Variants in USP54 observed in about 807,000 individuals in gnomAD.
The protein encoded by USP54 is ubiquitin carboxyl-terminal hydrolase 54.
A neutral mutation model predicts 170.5 loss-of-function variants in USP54; 87 were observed. That is an observed-to-expected ratio of 0.51 (90% CI 0.43 to 0.61). The LOEUF is 0.61. Ranked by LOEUF, USP54 falls within the 20% of genes least tolerant of loss-of-function variation. The pLI is 0.00. For synonymous variants in USP54, 655 were observed against 742.8 expected (o/e 0.88, Z 1.92); for missense variants, 1,786 against 2,047.8 (o/e 0.87, Z 2.47).
In USP54 at chr10:73,607,843, A is replaced by G. The variant is rs538718539; in HGVS notation, c.-18+17724T>C. Among the ~76,000 whole-genome samples, 296 of 152,044 alleles carry G rather than the reference A, an allele frequency of 1.9e-3. 2 individuals carry two copies. The highest frequency in any genetic ancestry group is 6.9e-3 in the African/African-American group (287 of 41,494). On this transcript the variant is annotated intron_variant, in intron 1 of 22. Coordinates refer to the USP54 transcript ENST00000339859. ...AAGACTCCGTCTCAAAAAAAAAAAA[A>G]AAAAGAAAACTAAGAAGTAATCCTT...
chr10:73,513,973 G>T (rs970829020), intron 20 of USP54, among the ~76,000 whole-genome samples: 1 of 152,050 alleles, frequency 6.6e-6, no homozygotes, highest in Admixed American at 6.6e-5. Flanking sequence ...CCGCCACCAT[G>T]CCCAGCTAAT....
At chr10:73,569,643 C>T (rs1182949817) in intron 4 of USP54, among the ~76,000 whole-genome samples, 3 of 151,116 alleles carry the variant, frequency 2.0e-5, no homozygotes, top group Non-Finnish European at 4.4e-5. Context: ...ATCCCAGCTA[C>T]TCGGGAGGTT....
In USP54 at chr10:73,517,569, A is replaced by C; in HGVS notation, c.2857T>G (p.Leu953Val). Residue 953 changes from leucine (L) to valine (V), a missense_variant, in exon 20 of 24, where the codon TTG (leucine) becomes GTG (valine). By Grantham distance (32) the Leu-to-Val change is conservative. Coordinates refer to ENST00000687698, the MANE Select transcript of USP54 (RefSeq NM_001391956.1). ...ACTTCAACCGAAGTCAGAAGCTTCA[A>C]GGCAGATCTACTGGGGGAGCTGTGC... ...PQHSSPSRSA[L>V]KLLTSVEVDN... is the part of the protein sequence containing the mutation. 6.2e-7 allele frequency: 1 copy of C among 1,614,232 alleles called. No homozygotes were observed. Among genetic ancestry groups the C allele is most frequent in the Non-Finnish European group, 8.5e-7 (1 of 1,180,042 alleles).
intron 12 of USP54, 132 bp downstream of exon 12, chr10:73,534,468 G>A (rs1206501983): frequency 3.8e-5 from 38 of 1,010,488 alleles, no homozygotes; most frequent in Admixed American, 8.0e-5. Flanking sequence ...CACCTTGGCC[G>A]CCCGCCTCGG....
intron 4 of USP54, among the ~76,000 whole-genome samples, chr10:73,566,078 A>C (rs554489105): frequency 6.6e-6 from 1 of 152,092 alleles, no homozygotes; most frequent in South Asian, 2.1e-4. Flanking sequence ...TAAAAATACA[A>C]AATTAGCCGG....
In USP54 at chr10:73,539,596, GA is replaced by G; in HGVS notation, c.826-4del. ...TCATCCGTCACTCTGAAAAACAGCT[GA>G]GGGGAAAGAAGAGAAAAGAAAGCAC... On this transcript the variant is annotated splice_region_variant and splice_polypyrimidine_tract_variant and intron_variant, in intron 9 of 23. Coordinates refer to ENST00000687698, the MANE Select transcript of USP54 (RefSeq NM_001391956.1). The G allele has an allele frequency of 6.3e-7, 1 of 1,586,054 alleles. No individual in the cohort carries two copies. Among genetic ancestry groups the G allele is most frequent in the South Asian group, 1.2e-5 (1 of 86,484 alleles).
intron 7 of USP54, among the ~76,000 whole-genome samples, chr10:73,542,104 G>A (rs138859217): frequency 1.3e-5 from 2 of 152,174 alleles, no homozygotes; most frequent in African/African-American, 4.8e-5. Context: ...ATTGTTGTTG[G>A]TGGTGGTTTT....
rs541362672 is a variant in USP54, at chr10:73,536,328, A to G, written c.1085T>C (p.Leu362Pro). The change falls in exon 11 of 24, where the codon CTG (leucine) becomes CCG (proline). Residue 362 changes from leucine to proline, a missense_variant. Leu to Pro is a moderately conservative substitution (Grantham distance 98, BLOSUM62 -3). Around this residue, in one of 3 missense-constraint regions of USP54, gnomAD observed 361 missense variants for 455.0 expected, o/e 0.79. Transcript: ENST00000687698. Reference protein sequence around the residue: ...PQGTPVSTQDLPPQAEFQSYS... With the variant: ...PQGTPVSTQDPPPQAEFQSYS... ...TGACTGGAACTCAGCTTGGGGAGGC[A>G]GGTCCTGGGTGGAAACTGGGGTACC... is the stretch of plus-strand genomic sequence containing the variant. The G allele has an allele frequency of 6.2e-7, 1 of 1,614,134 alleles. No individual in the cohort carries two copies. The highest frequency in any genetic ancestry group is 1.1e-5 in the South Asian group (1 of 91,076).
intron 20 of USP54, among the ~76,000 whole-genome samples, chr10:73,509,075 A>T: frequency 8.1e-6 from 1 of 122,940 alleles, no homozygotes. Context: ...AAATAAATGG[A>T]GGGGGAAAAA....
Position 73,520,968 on chromosome 10 carries a change from G to A in USP54, c.2422C>T (p.Leu808=). The change falls in exon 18 of 24, where the codon CTA becomes TTA. Residue 808 remains leucine, a synonymous_variant. Transcript: ENST00000687698. ...CAGTCTCCTTTCTGTTCCAGATGTA[G>A]TGACTCTTCAAACACTGACTCTGCC... The part of the protein sequence containing the change: ...QEAESVFEES[L]HLEQKGDCAA... The A allele has an allele frequency of 6.2e-7, 1 of 1,614,184 alleles. No individual in the cohort carries two copies. Among genetic ancestry groups the A allele is most frequent in the Middle Eastern group, 1.6e-4 (1 of 6,062 alleles).
Position 73,526,681 on chromosome 10 carries a change from G to A in USP54, c.2160C>T (p.Ser720=). 2 of 1,614,140 alleles carry A rather than the reference G, an allele frequency of 1.2e-6. No individual in the cohort carries two copies. The highest frequency in any genetic ancestry group is 1.7e-6 in the Non-Finnish European group (2 of 1,180,024). ...SSILEVDSTA[S]MGGWTKSQPF... ...GCTGACTCTTTGTCCAGCCACCCAT[G>A]GATGCTGTGGAGTCTACCTCCAGGA... Residue 720 remains serine, a synonymous_variant, in exon 16 of 24, where the codon TCC becomes TCT. Transcript: ENST00000687698.
At chr10:73,609,258 T>C (rs565454761) in intron 1 of USP54, among the ~76,000 whole-genome samples, 3 of 152,344 alleles carry the variant, frequency 2.0e-5, no homozygotes, top group South Asian at 4.1e-4. Flanking sequence ...TATCTTGTTT[T>C]GGCACTATAC....
chr10:73,529,615 A>G, intron 15 of USP54, 65 bp downstream of exon 15: 1 of 1,588,488 alleles, frequency 6.3e-7, no homozygotes, highest in South Asian at 1.1e-5. Flanking sequence ...CATGCCTGAA[A>G]GCCCCAAGTA....
chr10:73,559,910 A>G (rs1267683862), intron 4 of USP54, among the ~76,000 whole-genome samples: 1 of 149,258 alleles, frequency 6.7e-6, no homozygotes, highest in Non-Finnish European at 1.5e-5. Context: ...TACTAAAAAT[A>G]TATACAAAAA....
rs759576358 is a variant in USP54, at chr10:73,529,546, AG to A, written c.2060+133del. On this transcript the variant is annotated intron_variant, in intron 15 of 23. Transcript: ENST00000687698. ...TTCCAGCAGAGGGTGCTGTTGTTAT[AG>A]GAAGTTGAAAGAGCACATAGAGATA... 4.2e-6 allele frequency: 4 copies of A among 957,262 alleles called. No homozygotes were observed. The Admixed American group carries it at 7.1e-5, about 17-fold the overall frequency. The allele number at this position is 957,262 out of a possible 1,614,324, so 59.3% of individuals were successfully genotyped here.
Position 73,505,386 on chromosome 10 carries a change from A to G in USP54, c.4092T>C (p.His1364=), listed in dbSNP as rs1184316350. 2 of 1,614,148 alleles carry G rather than the reference A, an allele frequency of 1.2e-6. No homozygotes were observed. Among genetic ancestry groups the G allele is most frequent in the Admixed American group, 3.3e-5 (2 of 60,008 alleles). ...DGMGRRLHSA[H]DPGLSKTSTA... is the part of the protein sequence containing the mutation. The stretch of plus-strand genomic sequence containing the variant: ...TTGAAGTCTTTGAGAGACCAGGATC[A>G]TGGGCTGAGTGCAACCTCCTCCCCA... The change falls in exon 21 of 24, where the codon CAT becomes CAC. Residue 1364 remains histidine (H), a synonymous_variant. Transcript: ENST00000687698.
At chr10:73,547,756 T>G (rs1444603730) in intron 4 of USP54, among the ~76,000 whole-genome samples, 1 of 152,136 alleles carries the variant, frequency 6.6e-6, no homozygotes, top group Admixed American at 6.6e-5. Flanking sequence ...GACTTAAATA[T>G]CAGACTAAAA....
In USP54 at chr10:73,499,030, T is replaced by A; in HGVS notation, c.4654A>T (p.Ile1552Phe). ...GGAGTAGTCAGGAATCTGGTCCCAA[T>A]ATGCTGGTTGGTCTCTGACCAGGGT... Reference protein sequence around the residue: ...WAPWSETNQHIGTRFLTTPGC... With the variant: ...WAPWSETNQHFGTRFLTTPGC... Residue 1552 changes from isoleucine (I) to phenylalanine (F), a missense_variant, in exon 24 of 24, where the codon ATT becomes TTT. Ile to Phe is a conservative substitution (Grantham distance 21, BLOSUM62 0). Transcript: ENST00000687698. 1.2e-6 allele frequency: 2 copies of A among 1,614,140 alleles called. No individual in the cohort carries two copies. The highest frequency in any genetic ancestry group is 1.7e-6 in the Non-Finnish European group (2 of 1,180,028).
intron 3 of USP54, among the ~76,000 whole-genome samples, chr10:73,572,353 A>C (rs2075350036): frequency 6.6e-6 from 1 of 152,180 alleles, no homozygotes; most frequent in South Asian, 2.1e-4. Context: ...CACCAGGTAA[A>C]AACTAAGGAA....
Sources: allele counts gnomAD v4.1 joint callset (sites outside exome capture counted in the v4.1 genomes callset), GRCh38; gene constraint gnomAD v4.1.1; regional missense constraint gnomAD v4.1.1; transcripts MANE v1.5; gene names NCBI Gene and HGNC (gene_info 2026-07-23, HGNC 2026-07-21).